The following ZFYVE28 variants were observed in gnomAD, a reference collection of about 807,000 sequenced individuals.
The protein encoded by ZFYVE28 is zinc finger FYVE-type containing 28.
Under a neutral mutation model 82.1 loss-of-function variants are expected in ZFYVE28, and 40 were observed. That is an observed-to-expected ratio of 0.49 (90% CI 0.38 to 0.63). The LOEUF is 0.63. ZFYVE28 is among the 30% of genes least tolerant of loss of function. The pLI is 0.00. For synonymous variants in ZFYVE28, 612 were observed against 546.1 expected (o/e 1.12, Z -1.68); for missense variants, 1,321 against 1,242.1 (o/e 1.06, Z -0.96).
chr4:2,294,631 A>C (rs538772988), intron 8 of ZFYVE28, among the ~76,000 whole-genome samples: 11 of 152,372 alleles, frequency 7.2e-5, no homozygotes, highest in African/African-American at 2.6e-4. Flanking sequence ...TTTGCTCTTC[A>C]AAAGATACTG....
At chr4:2,303,540 G>T (rs917607455) in intron 8 of ZFYVE28, among the ~76,000 whole-genome samples, 3 of 152,182 alleles carry the variant, frequency 2.0e-5, no homozygotes, top group East Asian at 3.9e-4. Flanking sequence ...GTAGGGCAGG[G>T]TCCTGGCCAG....
chr4:2,279,259 C>T (rs1478840356), intron 8 of ZFYVE28, among the ~76,000 whole-genome samples: 1 of 152,110 alleles, frequency 6.6e-6, no homozygotes, highest in Non-Finnish European at 1.5e-5. Flanking sequence ...TGGTGAAACC[C>T]CGTCTCTACT....
chr4:2,402,112 C>T (rs542680252), intron 1 of ZFYVE28, among the ~76,000 whole-genome samples: 5 of 152,328 alleles, frequency 3.3e-5, no homozygotes, highest in African/African-American at 1.2e-4. Context: ...CTCCCTGGCG[C>T]TGGAGGAGGG....
chr4:2,351,373 T>C (rs1724418152), intron 2 of ZFYVE28, among the ~76,000 whole-genome samples: 1 of 152,296 alleles, frequency 6.6e-6, no homozygotes, highest in Non-Finnish European at 1.5e-5. Flanking sequence ...AAGATCTATA[T>C]ACAAAAGTCA....
rs1726103860 is a variant in ZFYVE28, at chr4:2,361,243, G to A, written c.40-7170C>T. On this transcript the variant is annotated intron_variant, in intron 1 of 12. Coordinates refer to ENST00000290974, the MANE Select transcript of ZFYVE28 (RefSeq NM_020972.3). ...TGAACGGACATCCTCAAAAAAAGCA[G>A]GAGAAAATATGCACGAACAAAGCAG... 2.0e-5 allele frequency among the ~76,000 whole-genome samples: 3 copies of A among 150,370 alleles called. No homozygotes were observed. The South Asian group carries it at 6.4e-4, about 32-fold the overall frequency.
intron 8 of ZFYVE28, among the ~76,000 whole-genome samples, chr4:2,299,323 T>G (rs1715132618): frequency 6.6e-6 from 1 of 151,902 alleles, no homozygotes; most frequent in Admixed American, 6.6e-5. Context: ...CAAGTTGGAG[T>G]TGGAAGTGTT....
intron 1 of ZFYVE28, among the ~76,000 whole-genome samples, chr4:2,370,796 G>A (rs1406704936): frequency 2.0e-5 from 3 of 152,136 alleles, no homozygotes; most frequent in Non-Finnish European, 4.4e-5. Context: ...ATCCCTCGCC[G>A]GCCACCCCTC....
At chr4:2,296,431 GC>G (rs1170835683) in intron 8 of ZFYVE28, among the ~76,000 whole-genome samples, 1 of 152,214 alleles carries the variant, frequency 6.6e-6, no homozygotes, top group African/African-American at 2.4e-5. Context: ...AGCCCAGGAG[GC>G]CCCGTCACTT....
chr4:2,375,268 T>C (rs1022148958), intron 1 of ZFYVE28, among the ~76,000 whole-genome samples: 2 of 152,222 alleles, frequency 1.3e-5, no homozygotes, highest in African/African-American at 4.8e-5. Flanking sequence ...GAAAATGTTA[T>C]AATTAAGTCA....
At position 2,352,782 on chromosome 4, in the gene ZFYVE28, T is replaced by C. The variant is rs115830013; in HGVS notation, c.180+1151A>G. 6.3e-3 allele frequency among the ~76,000 whole-genome samples: 951 copies of C among 152,140 alleles called. 5 individuals are homozygous for C. The highest frequency in any genetic ancestry group is 0.01 in the Non-Finnish European group (698 of 68,000). On this transcript the variant is annotated intron_variant, in intron 2 of 12. Coordinates refer to ENST00000290974, the MANE Select transcript of ZFYVE28 (RefSeq NM_020972.3). Reference sequence around the variant, plus strand: ...CTTAAAACCAGGCTTTATCATCAACTCTGTCAGTCAACAAAAAAGCACACA... The same window carrying C: ...CTTAAAACCAGGCTTTATCATCAACCCTGTCAGTCAACAAAAAAGCACACA...
chr4:2,364,967 G>C, intron 1 of ZFYVE28: 1 of 939,042 alleles, frequency 1.1e-6, no homozygotes. Flanking sequence ...CACAGAGCCG[G>C]GGTGTCCCGG....
intron 5 of ZFYVE28, 113 bp downstream of exon 5, chr4:2,337,294 G>A: frequency 1.1e-6 from 1 of 886,648 alleles, no homozygotes; most frequent in Non-Finnish European, 1.7e-6. Context: ...CTTCCATCTG[G>A]GGCACTCCCG....
rs1395366948 is a variant in ZFYVE28 at position 2,417,562 on chromosome 4, C to G, written c.39+723G>C. Among the ~76,000 whole-genome samples, 2 of 151,956 alleles carry G rather than the reference C, an allele frequency of 1.3e-5. No homozygotes were observed. Among genetic ancestry groups the G allele is most frequent in the Non-Finnish European group, 2.9e-5 (2 of 67,934 alleles). On this transcript the variant is annotated intron_variant, in intron 1 of 12. Coordinates refer to ENST00000290974, the MANE Select transcript of ZFYVE28 (RefSeq NM_020972.3). The surrounding 1 kb of genome is among the most constrained non-coding windows in gnomAD (Gnocchi z 4.8). The stretch of plus-strand genomic sequence containing the variant: ...CCACGGGCGCGCTCGCCCCAAGGGC[C>G]GGGCGGAGGACCTGTCCCGGATTCC...
chr4:2,308,627 C>CAGACAGACAGAA (rs1553830470), intron 7 of ZFYVE28, among the ~76,000 whole-genome samples: 3 of 79,582 alleles, frequency 3.8e-5, no homozygotes, highest in African/African-American at 1.6e-4. Flanking sequence ...AGAAAGAAGA[C>CAGACAGACAGAA]AGAAAGAAAG....
intron 1 of ZFYVE28, among the ~76,000 whole-genome samples, chr4:2,359,607 G>C (rs1725831006): frequency 6.6e-6 from 1 of 152,200 alleles, no homozygotes. Context: ...CCCAGCCTCA[G>C]AGGGACCCAG....
At chr4:2,319,252 G>T (rs1414651688) in intron 7 of ZFYVE28, among the ~76,000 whole-genome samples, 3 of 152,034 alleles carry the variant, frequency 2.0e-5, no homozygotes, top group Non-Finnish European at 4.4e-5. Context: ...CAGGTCCAGG[G>T]CTCACATCCC....
rs1254632596 is a variant in ZFYVE28, at chr4:2,305,356, A to G, written c.984T>C (p.Asp328=). 1 of 1,612,656 alleles carries G rather than the reference A, an allele frequency of 6.2e-7. No individual in the cohort carries two copies. The highest frequency in any genetic ancestry group is 1.3e-5 in the African/African-American group (1 of 74,942). ...GPLSAKAKDP[D]AELACSMQYD... is the part of the protein sequence containing the mutation. ...ACTGCATGGAGCAGGCCAGCTCTGC[A>G]TCCGGGTCTTTGGCCTTAGCTGAGA... Residue 328 remains aspartate (D), a synonymous_variant, in exon 8 of 13, where the codon GAT becomes GAC. Coordinates refer to ENST00000290974, the MANE Select transcript of ZFYVE28 (RefSeq NM_020972.3).
rs1458087576 is a variant in ZFYVE28, at chr4:2,416,345, G to A, written c.39+1940C>T. Among the ~76,000 whole-genome samples the A allele has an allele frequency of 1.3e-5, 2 of 152,072 alleles. No individual in the cohort carries two copies. The highest frequency in any genetic ancestry group is 2.9e-5 in the Non-Finnish European group (2 of 68,034). On this transcript the variant is annotated intron_variant, in intron 1 of 12. Transcript: ENST00000290974. This position sits in a 1 kb window ranked among gnomAD's most constrained non-coding sequence, Gnocchi z 4.6. ...ATTAGAAGGGTGATCCCCCAAATGC[G>A]GCCTCTTCCACAGCCACGTCCGGAG...
At chr4:2,399,530 T>C (rs1317711597) in intron 1 of ZFYVE28, among the ~76,000 whole-genome samples, 1 of 152,234 alleles carries the variant, frequency 6.6e-6, no homozygotes, top group Non-Finnish European at 1.5e-5. Context: ...CATCTGGTTT[T>C]CTGCCAAGTC....
Sources: allele counts gnomAD v4.1 joint callset (sites outside exome capture counted in the v4.1 genomes callset), GRCh38; gene constraint gnomAD v4.1.1; non-coding constraint Gnocchi (gnomAD v3.1); transcripts MANE v1.5; gene names NCBI Gene and HGNC (gene_info 2026-07-23, HGNC 2026-07-21).